The following EPHA6 variants were observed in gnomAD, a reference collection of about 807,000 sequenced individuals.
EPHA6 encodes the protein EPH receptor A6.
In EPHA6, 50 loss-of-function variants were observed where a neutral mutation model predicts 112.0. The ratio of observed to expected loss-of-function variants is 0.45; its 90% CI spans 0.36 to 0.56. The LOEUF is 0.56. EPHA6 is among the 20% of genes least tolerant of loss of function. EPHA6 has a pLI of 0.00. For missense variants in EPHA6, 1,280 were observed against 1,417.4 expected (o/e 0.90, Z 1.56); for synonymous variants, 529 against 490.7 (o/e 1.08, Z -1.03).
At chr3:97,585,531 T>C (rs1228727812) in intron 11 of EPHA6, among the ~76,000 whole-genome samples, 1 of 152,194 alleles carries the variant, frequency 6.6e-6, no homozygotes, top group Non-Finnish European at 1.5e-5. Flanking sequence ...CACTTTTTGC[T>C]TCAATACATT....
chr3:97,673,117 T>C (rs1222669413), intron 14 of EPHA6, among the ~76,000 whole-genome samples: 1 of 152,198 alleles, frequency 6.6e-6, no homozygotes, highest in Non-Finnish European at 1.5e-5. Context: ...TGAAGAAACC[T>C]CTTTAAAGAA....
rs151101868 is a variant in EPHA6, at chr3:97,271,233, C to T, written c.1606+26946C>T. ...CTGATACACAGGTGAAATGAATGAG[C>T]TTCTGAATTTACACATTTCTGAATA... On this transcript the variant is annotated intron_variant, in intron 5 of 17. Coordinates refer to ENST00000389672, the MANE Select transcript of EPHA6 (RefSeq NM_001080448.3). Among the ~76,000 whole-genome samples, 276 of 152,352 alleles carry T rather than the reference C, an allele frequency of 1.8e-3. 1 individual carries two copies. The highest frequency in any genetic ancestry group is 6.3e-3 in the African/African-American group (264 of 41,580).
chr3:97,758,676 C>A lies in EPHA6; in HGVS notation c.*9975C>A, dbSNP rs1211683430. 6.6e-6 allele frequency among the ~76,000 whole-genome samples: 1 copy of A among 151,914 alleles called. No individual in the cohort carries two copies. On this transcript the variant is annotated 3_prime_UTR_variant, in exon 18 of 18. Transcript: ENST00000389672. ...ATGTTACATAGCATGACTGTGGCTC[C>A]TTTAAGCGGTAGAGGAAATCTTCCC... is the stretch of plus-strand genomic sequence containing the variant.
rs529968323 is a variant in EPHA6 at position 97,507,650 on chromosome 3, G to A, written c.2200+23591G>A. ...TTTTTTTGTTGTGTCTGCCTGGTTT[G>A]GGTATCAGGATGATGCTGGCCTCTT... On this transcript the variant is annotated intron_variant, in intron 10 of 17. Coordinates refer to ENST00000389672, the MANE Select transcript of EPHA6 (RefSeq NM_001080448.3). Among the ~76,000 whole-genome samples, 15 of 152,014 alleles carry A rather than the reference G, an allele frequency of 9.9e-5. No individual in the cohort carries two copies. In the South Asian group the frequency reaches 3.1e-3, roughly 32 times the overall value.
chr3:97,531,600 T>C (rs2092695668), intron 10 of EPHA6, among the ~76,000 whole-genome samples: 1 of 152,114 alleles, frequency 6.6e-6, no homozygotes, highest in Non-Finnish European at 1.5e-5. Flanking sequence ...TATTAAGTTC[T>C]TAAATGTTTA....
At chr3:97,010,067 G>T in intron 3 of EPHA6, 1 of 1,294,116 alleles carries the variant, frequency 7.7e-7, no homozygotes, top group Admixed American at 2.3e-5. Context: ...AGTAACCTTT[G>T]AAGAATAAAA....
intron 1 of EPHA6, among the ~76,000 whole-genome samples, chr3:96,849,111 G>C (rs2035243836): frequency 1.3e-5 from 2 of 152,092 alleles, no homozygotes; most frequent in Admixed American, 1.3e-4. Flanking sequence ...TTCCAAGCAG[G>C]CTTTAATTTA....
intron 10 of EPHA6, among the ~76,000 whole-genome samples, chr3:97,501,769 G>C (rs1005524854): frequency 1.3e-5 from 2 of 151,890 alleles, no homozygotes; most frequent in African/African-American, 4.8e-5. Context: ...TAAGAATCCA[G>C]CTTAACAATT....
At chr3:97,289,934 G>A (rs951387789) in intron 5 of EPHA6, among the ~76,000 whole-genome samples, 3 of 151,976 alleles carry the variant, frequency 2.0e-5, no homozygotes, top group Non-Finnish European at 4.4e-5. Flanking sequence ...TTCTTTGTAT[G>A]AATTTTTGGA....
At chr3:97,099,814 A>G (rs562703694) in intron 3 of EPHA6, among the ~76,000 whole-genome samples, 2 of 152,018 alleles carry the variant, frequency 1.3e-5, no homozygotes, top group African/African-American at 4.8e-5. Context: ...CTGAATGATC[A>G]TATGGAGCAA....
chr3:97,560,495 T>A (rs1432904056), intron 11 of EPHA6: 3 of 152,072 alleles, frequency 2.0e-5, no homozygotes, highest in African/African-American at 7.2e-5. Context: ...CAGTGCTCAA[T>A]AGCCACATAT....
chr3:97,084,751 C>T (rs1004732938), intron 3 of EPHA6, among the ~76,000 whole-genome samples: 5 of 151,984 alleles, frequency 3.3e-5, no homozygotes, highest in East Asian at 1.9e-4. Context: ...ATATCAGAGA[C>T]GACACAAACA....
intron 3 of EPHA6, among the ~76,000 whole-genome samples, chr3:97,069,192 A>T (rs1325131928): frequency 6.6e-6 from 1 of 152,182 alleles, no homozygotes; most frequent in East Asian, 1.9e-4. Context: ...ATTTTGTAGG[A>T]TAAATTTATT....
chr3:97,617,487 C>A (rs2093776728), intron 13 of EPHA6, among the ~76,000 whole-genome samples: 1 of 152,020 alleles, frequency 6.6e-6, no homozygotes, highest in Non-Finnish European at 1.5e-5. Flanking sequence ...AAATGGCAAG[C>A]TGGATAAAGA....
At chr3:97,188,628 T>A (rs1349779285) in intron 3 of EPHA6, among the ~76,000 whole-genome samples, 1 of 151,878 alleles carries the variant, frequency 6.6e-6, no homozygotes, top group African/African-American at 2.4e-5. Flanking sequence ...GTCACATATA[T>A]CATATGTTTG....
intron 11 of EPHA6, among the ~76,000 whole-genome samples, chr3:97,541,605 C>G (rs2107675825): frequency 6.6e-6 from 1 of 152,156 alleles, no homozygotes; most frequent in African/African-American, 2.4e-5. Context: ...TTAGTATTTT[C>G]AAATCTGTGA....
intron 4 of EPHA6, among the ~76,000 whole-genome samples, chr3:97,227,362 A>G (rs1210823294): frequency 6.6e-6 from 1 of 151,998 alleles, no homozygotes; most frequent in Admixed American, 6.6e-5. Flanking sequence ...CTGGGACTAC[A>G]GGCATACACC....
At chr3:97,645,101 A>T (rs301942) in intron 14 of EPHA6, among the ~76,000 whole-genome samples, 3 of 152,048 alleles carry the variant, frequency 2.0e-5, no homozygotes, top group Admixed American at 6.6e-5. Context: ...GTGAAAGTCA[A>T]TGTGGCGATT....
chr3:97,350,213 A>G lies in EPHA6; in HGVS notation c.1607-54937A>G, dbSNP rs575640624. ...TGACACTGAAGCAGAAAGCCTGACC[A>G]TAAAAGGCACTCACACCAAGAATGA... On this transcript the variant is annotated intron_variant, in intron 5 of 17. Transcript: ENST00000389672. Among the ~76,000 whole-genome samples, 9 of 152,256 alleles carry G rather than the reference A, an allele frequency of 5.9e-5. No individual in the cohort carries two copies. The South Asian group carries it at 1.2e-3, about 21-fold the overall frequency.
Sources: allele counts gnomAD v4.1 joint callset (sites outside exome capture counted in the v4.1 genomes callset), GRCh38; gene constraint gnomAD v4.1.1; transcripts MANE v1.5; gene names NCBI Gene and HGNC (gene_info 2026-07-23, HGNC 2026-07-21).